PLPPR4: variants seen among roughly 807,000 people sequenced by gnomAD.
PLPPR4 encodes phospholipid phosphatase-related protein type 4.
In PLPPR4, 24 loss-of-function variants were observed where a neutral mutation model predicts 56.6. The observed-to-expected ratio is 0.42, with a 90% CI of 0.31 to 0.60. PLPPR4 has a LOEUF of 0.60. PLPPR4 is among the 20% of genes least tolerant of loss of function. The pLI is 0.13. For synonymous variants in PLPPR4, 326 were observed against 328.1 expected, an observed-to-expected ratio of 0.99 and a Z score of 0.07; for missense variants, 654 against 885.8, an observed-to-expected ratio of 0.74 and a Z score of 3.32.
chr1:99,298,917 A>C (rs970967304), intron 3 of PLPPR4, 118 bp from the exon 4 acceptor site: 12 of 792,008 alleles, frequency 1.5e-5, no homozygotes, highest in South Asian at 1.3e-4. Context: ...TCTTGAAATC[A>C]ACTTAGAGAA....
At position 99,305,957 on chromosome 1, in the gene PLPPR4, C is replaced by T. The variant is rs1324106321; in HGVS notation, c.1095C>T (p.Phe365=). Reference sequence around the variant, plus strand: ...TGGGGAAGGAGAACATGGTTACCTTCAGCAATACCTTGCCGCGAGCCAATA... The same window carrying T: ...TGGGGAAGGAGAACATGGTTACCTTTAGCAATACCTTGCCGCGAGCCAATA... ...SPMGKENMVT[F]SNTLPRANTP... is the part of the protein sequence containing the mutation. Residue 365 remains phenylalanine (F), a synonymous_variant, in exon 7 of 7, where the codon TTC becomes TTT. Transcript: ENST00000370185. 1.2e-6 allele frequency: 2 copies of T among 1,614,150 alleles called. No individual in the cohort carries two copies. Among genetic ancestry groups the T allele is most frequent in the South Asian group, 1.1e-5 (1 of 91,080 alleles).
chr1:99,283,802 AT>A (rs1232006196), intron 1 of PLPPR4, among the ~76,000 whole-genome samples: 1 of 150,736 alleles, frequency 6.6e-6, no homozygotes, highest in African/African-American at 2.5e-5. Flanking sequence ...ATACAAAAAA[AT>A]TAGCCGGGTG....
upstream of PLPPR4, among the ~76,000 whole-genome samples, chr1:99,263,561 T>G (rs746325964): frequency 1.9e-4 from 29 of 152,176 alleles, no homozygotes; most frequent in Non-Finnish European, 4.3e-4. Context: ...TAGGTCATCT[T>G]TATTAGTATA....
intron 1 of PLPPR4, among the ~76,000 whole-genome samples, chr1:99,283,488 T>A (rs777924275): frequency 3.3e-5 from 5 of 152,352 alleles, no homozygotes; most frequent in Non-Finnish European, 5.9e-5. Context: ...CTAGCAAATG[T>A]GGTATTTTAA....
chr1:99,284,088 C>A (rs887070528), intron 1 of PLPPR4, among the ~76,000 whole-genome samples: 4 of 152,128 alleles, frequency 2.6e-5, no homozygotes, highest in Non-Finnish European at 5.9e-5. Flanking sequence ...TTCAAAATCT[C>A]ATTTTAAATG....
rs1660054458 is a variant in PLPPR4, at chr1:99,307,243, A to G, written c.*233A>G. The G allele has an allele frequency of 1.7e-5, 8 of 480,688 alleles. No homozygotes were observed. The Admixed American group carries it at 2.7e-4, about 16-fold the overall frequency. The allele number at this position is 480,688 out of a possible 1,614,324, so 29.8% of individuals were successfully genotyped here. A position where few individuals can be genotyped will look rare whatever the true frequency, so the allele number is the denominator to read the frequency against. ...TGATGATATGAAGAGTTTTCTTAAG[A>G]CCTGTCGTCAAACTTAAAAGGTTTT... On this transcript the variant is annotated 3_prime_UTR_variant, in exon 7 of 7. Coordinates refer to ENST00000370185, the MANE Select transcript of PLPPR4 (RefSeq NM_014839.5).
chr1:99,307,989 G>A lies in PLPPR4; in HGVS notation c.*979G>A, dbSNP rs1298043072. 1.3e-5 allele frequency: 2 copies of A among 152,126 alleles called. No homozygotes were observed. The highest frequency in any genetic ancestry group is 2.9e-5 in the Non-Finnish European group (2 of 68,034). 9.4% of individuals were successfully genotyped at this position (152,126 alleles called of 1,614,324 possible). ...TTCCTTGAGCAAAATATACTGCTGT[G>A]AATTTGCAAACAAGAAATCTGAGCC... On this transcript the variant is annotated 3_prime_UTR_variant, in exon 7 of 7. Transcript: ENST00000370185.
At chr1:99,276,837 CAAG>C (rs1048079919) in intron 1 of PLPPR4, among the ~76,000 whole-genome samples, 11 of 152,080 alleles carry the variant, frequency 7.2e-5, no homozygotes, top group East Asian at 3.9e-4. Flanking sequence ...GAATAGAAAA[CAAG>C]AAGAAGTTAG....
At chr1:99,282,730 G>A (rs1461479803) in intron 1 of PLPPR4, among the ~76,000 whole-genome samples, 1 of 151,650 alleles carries the variant, frequency 6.6e-6, no homozygotes, top group African/African-American at 2.4e-5. Flanking sequence ...CTACCTCTCT[G>A]ACTTCATTTT....
intron 4 of PLPPR4, among the ~76,000 whole-genome samples, 174 bp downstream of exon 4, chr1:99,299,404 C>T (rs1194857156): frequency 6.6e-6 from 1 of 151,880 alleles, no homozygotes; most frequent in Non-Finnish European, 1.5e-5. Context: ...GGGCTTATTC[C>T]AAATTCTTCT....
chr1:99,293,818 C>T (rs1189329426), intron 2 of PLPPR4, among the ~76,000 whole-genome samples: 3 of 152,072 alleles, frequency 2.0e-5, no homozygotes, highest in African/African-American at 7.2e-5. Flanking sequence ...TGTGAGTTCT[C>T]CCTATGATGA....
chr1:99,295,485 C>CAAA (rs1378599019), intron 2 of PLPPR4, among the ~76,000 whole-genome samples: 3 of 152,168 alleles, frequency 2.0e-5, no homozygotes, highest in Non-Finnish European at 2.9e-5. Context: ...ATAGTATTTA[C>CAAA]AGTGACATGA....
chr1:99,296,833 C>G lies in PLPPR4; in HGVS notation c.360C>G (p.Phe120Leu). The G allele has an allele frequency of 6.3e-7, 1 of 1,591,856 alleles. No homozygotes were observed. Among genetic ancestry groups the G allele is most frequent in the African/African-American group, 1.3e-5 (1 of 74,620 alleles). The change falls in exon 3 of 7, where the codon TTC becomes TTG. Residue 120 changes from phenylalanine to leucine, a missense_variant. By Grantham distance (22) the Phe-to-Leu change is conservative. Transcript: ENST00000370185. ...EPNINAGGCN[F>L]NSFLRRAVRF... ...ACATTAATGCTGGAGGCTGCAACTT[C>G]AATTCCTTCCTCAGACGAGCTGTCA...
chr1:99,268,439 G>A (rs1034084003), intron 1 of PLPPR4, among the ~76,000 whole-genome samples: 2 of 152,224 alleles, frequency 1.3e-5, no homozygotes, highest in African/African-American at 4.8e-5. Flanking sequence ...ATGGGCATTA[G>A]GCTGAGGTGT....
chr1:99,296,967 T>A, intron 3 of PLPPR4, 100 bp downstream of exon 3: 1 of 1,183,580 alleles, frequency 8.4e-7, no homozygotes, highest in Non-Finnish European at 1.1e-6. Flanking sequence ...ATAATTTAGA[T>A]GTATAATTTC....
intron 1 of PLPPR4, among the ~76,000 whole-genome samples, chr1:99,282,045 T>C (rs981659545): frequency 2.0e-5 from 3 of 152,174 alleles, no homozygotes; most frequent in Non-Finnish European, 4.4e-5. Context: ...CCAATAATTT[T>C]CAGCTTTATG....
intron 1 of PLPPR4, among the ~76,000 whole-genome samples, chr1:99,275,119 A>G (rs967362746): frequency 6.6e-6 from 1 of 152,136 alleles, no homozygotes; most frequent in African/African-American, 2.4e-5. Context: ...GATTTGAGTT[A>G]TTAAAACATG....
intron 6 of PLPPR4, among the ~76,000 whole-genome samples, chr1:99,303,144 G>A (rs1659928006): frequency 1.3e-5 from 2 of 152,174 alleles, no homozygotes; most frequent in South Asian, 2.1e-4. Context: ...TTTAATGGGA[G>A]TTCCATGGGG....
rs1660100168 is a variant in PLPPR4, at chr1:99,308,371, T to C, written c.*1361T>C. 1 of 152,232 alleles carries C rather than the reference T, an allele frequency of 6.6e-6. No homozygotes were observed. The highest frequency in any genetic ancestry group is 2.1e-4 in the South Asian group (1 of 4,830). 9.4% of individuals were successfully genotyped at this position (152,232 alleles called of 1,614,324 possible). A position where few individuals can be genotyped will look rare whatever the true frequency, so the allele number is the denominator to read the frequency against. On this transcript the variant is annotated 3_prime_UTR_variant, in exon 7 of 7. Transcript: ENST00000370185. ...CATGCAAACAACCATTGTTGCTACC[T>C]ATCCTGAATCAAGCCTTGAGCCTAA...
Sources: allele counts gnomAD v4.1 joint callset (sites outside exome capture counted in the v4.1 genomes callset), GRCh38; gene constraint gnomAD v4.1.1; transcripts MANE v1.5; gene names NCBI Gene and HGNC (gene_info 2026-07-23, HGNC 2026-07-21).